The following REG1B variants were observed in gnomAD, a reference collection of about 807,000 sequenced individuals.
The protein encoded by REG1B is regenerating family member 1 beta.
A neutral mutation model predicts 20.4 loss-of-function variants in REG1B; 21 were observed. The ratio of observed to expected loss-of-function variants is 1.03; its 90% confidence interval spans 0.73 to 1.48. The LOEUF (loss-of-function observed/expected upper bound fraction) is 1.48. Among genes scored for constraint, REG1B ranks in the 40% most tolerant of loss-of-function variants. The pLI is 0.00. For synonymous variants in REG1B, 82 were observed against 73.4 expected (o/e 1.12, Z -0.60); for missense variants, 247 against 197.2 (o/e 1.25, Z -1.51).
chr2:79,085,971 A>G (rs1349730561), intron 4 of REG1B: 2 of 272,228 alleles, frequency 7.3e-6, no homozygotes, highest in South Asian at 4.9e-5. Context: ...ACTAAATAAT[A>G]TACTGTACAG....
intron 4 of REG1B, 57 bp downstream of exon 4, chr2:79,086,310 C>T (rs373489891): frequency 3.3e-5 from 53 of 1,589,346 alleles, no homozygotes; most frequent in African/African-American, 2.3e-4. Context: ...AGACCTTAAA[C>T]GTCCCTCTTA....
intron 5 of REG1B, 23 bp downstream of exon 5, chr2:79,085,469 T>TGGGAA: frequency 6.3e-7 from 1 of 1,577,846 alleles, no homozygotes; most frequent in South Asian, 1.1e-5. Flanking sequence ...TGGCAACAGG[T>TGGGAA]GGATAGATTG....
chr2:79,085,083 G>A lies in REG1B; in HGVS notation c.*133C>T, dbSNP rs891611049. On this transcript the variant is annotated 3_prime_UTR_variant, in exon 6 of 6. Coordinates refer to ENST00000305089, the MANE Select transcript of REG1B (RefSeq NM_006507.4). ...GGCTCTAGAGACTGAGACAGGTGAA[G>A]GTACTGAAGATCAGCGATGCAAACT... 3.0e-6 allele frequency: 2 copies of A among 677,252 alleles called. No individual in the cohort carries two copies. The highest frequency in any genetic ancestry group is 3.5e-4 in the Middle Eastern group (1 of 2,868). 42.0% of individuals were successfully genotyped at this position (677,252 alleles called of 1,614,324 possible). A position where few individuals can be genotyped will look rare whatever the true frequency, so the allele number is the denominator to read the frequency against.
intron 2 of REG1B, 53 bp from the exon 3 acceptor site, chr2:79,086,983 G>C: frequency 6.8e-7 from 1 of 1,465,854 alleles, no homozygotes; most frequent in South Asian, 1.1e-5. Context: ...GCAAGGAAAA[G>C]GCTGGAAGGT....
intron 1 of REG1B, 122 bp downstream of exon 1, chr2:79,087,837 G>T: frequency 2.2e-6 from 1 of 449,926 alleles, no homozygotes; most frequent in South Asian, 4.7e-5. Context: ...AATCAGCTTT[G>T]GTCTTGCTTA....
Position 79,085,570 on chromosome 2 carries a change from C to T in REG1B, c.355G>A (p.Val119Ile), listed in dbSNP as rs777332542. The T allele has an allele frequency of 2.4e-5, 39 of 1,613,478 alleles. No individual in the cohort carries two copies. Among genetic ancestry groups the T allele is most frequent in the Non-Finnish European group, 3.3e-5 (39 of 1,179,780 alleles). ...CCAGTGTCCCAGGACTTGTAGGAGA[C>T]CAGGGACCCACTACTCCAGTGCCAG... ...RRWHWSSGSL[V>I]SYKSWDTGSP... Residue 119 changes from valine to isoleucine, a missense_variant, in exon 5 of 6, where the codon GTC (valine) becomes ATC (isoleucine). Coordinates refer to ENST00000305089, the MANE Select transcript of REG1B (RefSeq NM_006507.4).
chr2:79,086,954 A>G (rs376912875), intron 2 of REG1B, 24 bp from the exon 3 acceptor site: 2 of 1,589,058 alleles, frequency 1.3e-6, no homozygotes, highest in South Asian at 1.1e-5. Context: ...AAAGGAGATA[A>G]TTAAGAAAGA....
intron 5 of REG1B, 62 bp from the exon 6 acceptor site, chr2:79,085,345 C>G (rs1558715109): frequency 2.8e-6 from 4 of 1,428,934 alleles, no homozygotes; most frequent in Non-Finnish European, 3.0e-6. Context: ...CCTCCTCAAC[C>G]TAGGACTCAG....
In REG1B at chr2:79,085,185, C is replaced by T; in HGVS notation, c.*31G>A. ...TTTTGACTTCATAGTAATTGCAGGA[C>T]CAGTTCTAGACATCCATTTTTCAGC... is the stretch of plus-strand genomic sequence containing the variant. On this transcript the variant is annotated 3_prime_UTR_variant, in exon 6 of 6. Transcript: ENST00000305089. 6.5e-7 allele frequency: 1 copy of T among 1,532,434 alleles called. No homozygotes were observed. Among genetic ancestry groups the T allele is most frequent in the Non-Finnish European group, 9.0e-7 (1 of 1,105,668 alleles). The allele number at this position is 1,532,434 out of a possible 1,614,324, so 94.9% of individuals were successfully genotyped here.
intron 4 of REG1B, 33 bp from the exon 5 acceptor site, chr2:79,085,636 G>A (rs1042910387): frequency 1.5e-5 from 22 of 1,437,926 alleles, no homozygotes; most frequent in Non-Finnish European, 2.1e-5. Flanking sequence ...AGGGGCCATG[G>A]TCACTCAAAA....
At chr2:79,085,887 C>A (rs13422274) in intron 4 of REG1B, 213 of 285,492 alleles carry the variant, frequency 7.5e-4, no homozygotes, top group African/African-American at 4.4e-3. Flanking sequence ...TTTCCTGAAT[C>A]TCAGAACTCT....
intron 3 of REG1B, 109 bp from the exon 4 acceptor site, chr2:79,086,613 T>A: frequency 5.6e-6 from 8 of 1,432,630 alleles, no homozygotes; most frequent in Non-Finnish European, 7.8e-6. Context: ...ATGTCCCTGA[T>A]GATGCTGTCA....
intron 4 of REG1B, chr2:79,086,151 C>G: frequency 1.8e-6 from 1 of 542,192 alleles, no homozygotes; most frequent in Non-Finnish European, 3.3e-6. Flanking sequence ...TGAGTGGGTG[C>G]ATGAATTCCC....
chr2:79,086,733 C>T lies in REG1B; in HGVS notation c.183+79G>A, dbSNP rs1216144884. On this transcript the variant is annotated intron_variant, in intron 3 of 5. Coordinates refer to ENST00000305089, the MANE Select transcript of REG1B (RefSeq NM_006507.4). Reference sequence around the variant, plus strand: ...GGAAGGGATCAATCTTATCTCATTGCAGCCACAGAACACACTGCAAATTAG... The same window carrying T: ...GGAAGGGATCAATCTTATCTCATTGTAGCCACAGAACACACTGCAAATTAG... The T allele has an allele frequency of 1.3e-5, 19 of 1,413,372 alleles. No homozygotes were observed. The East Asian group carries it at 3.0e-4, about 22-fold the overall frequency. The allele number at this position is 1,413,372 out of a possible 1,614,324, so 87.6% of individuals were successfully genotyped here.
chr2:79,085,459 T>C (rs1488600654), intron 5 of REG1B, 33 bp downstream of exon 5: 9 of 1,550,814 alleles, frequency 5.8e-6, no homozygotes, highest in Non-Finnish European at 8.0e-6. Flanking sequence ...GGGAAGGAAA[T>C]GGCAACAGGT....
chr2:79,087,128 T>C, intron 2 of REG1B, 198 bp from the exon 3 acceptor site: 1 of 588,360 alleles, frequency 1.7e-6, no homozygotes, highest in Non-Finnish European at 3.0e-6. Flanking sequence ...GAGCTCACAA[T>C]GAATAGGCTA....
Position 79,085,735 on chromosome 2 carries a change from A to G in REG1B, c.322-132T>C, listed in dbSNP as rs116364357. 385 of 558,190 alleles carry G rather than the reference A, an allele frequency of 6.9e-4. 1 individual carries two copies. Among genetic ancestry groups the G allele is most frequent in the African/African-American group, 6.7e-3 (360 of 53,368 alleles). The allele number at this position is 558,190 out of a possible 1,614,324, so 34.6% of individuals were successfully genotyped here. ...AAACATTGTTGTCACCATGAATATC[A>G]TATCATTTCCTCTGCTTTTGCTCTA... is the stretch of plus-strand genomic sequence containing the variant. On this transcript the variant is annotated intron_variant, in intron 4 of 5. Coordinates refer to ENST00000305089, the MANE Select transcript of REG1B (RefSeq NM_006507.4).
chr2:79,085,465 C>G (rs775484401), intron 5 of REG1B, 27 bp downstream of exon 5: 1 of 1,569,534 alleles, frequency 6.4e-7, no homozygotes, highest in Non-Finnish European at 8.8e-7. Context: ...GAAATGGCAA[C>G]AGGTGGATAG....
At position 79,086,852 on chromosome 2, in the gene REG1B, TAGC is replaced by T. The variant is rs766922489; in HGVS notation, c.140_142del (p.Cys47del). The T allele has an allele frequency of 6.2e-7, 1 of 1,613,766 alleles. No individual in the cohort carries two copies. Among genetic ancestry groups the T allele is most frequent in the African/African-American group, 1.3e-5 (1 of 74,850 alleles). ...GGTCTCAGGGTCTTCATTAAAGTAG[TAGC>T]AGTAGGAGCGATAGGCATTGGTGCC... is the stretch of plus-strand genomic sequence containing the variant. On this transcript the variant is annotated inframe_deletion, in exon 3 of 6. Transcript: ENST00000305089.
Sources: allele counts gnomAD v4.1 joint callset, GRCh38; gene constraint gnomAD v4.1.1; transcripts MANE v1.5; gene names NCBI Gene and HGNC (gene_info 2026-07-23, HGNC 2026-07-21).